Variants in UNC5A observed in about 807,000 individuals in gnomAD.
UNC5A encodes netrin receptor UNC5A.
Under a neutral mutation model 87.4 loss-of-function variants are expected in UNC5A, and 20 were observed. The ratio of observed to expected loss-of-function variants is 0.23; its 90% CI spans 0.16 to 0.33. The LOEUF is 0.33. Among genes scored for constraint, UNC5A ranks in the 10% least tolerant of loss-of-function variants. The probability of loss-of-function intolerance (pLI) is 1.00; values close to 1 mark genes in which losing one functional copy is unlikely to be tolerated. For missense variants in UNC5A, 844 were observed against 1,133.4 expected (o/e 0.74, Z 3.67); for synonymous variants, 438 against 482.3 (o/e 0.91, Z 1.20).
intron 1 of UNC5A, among the ~76,000 whole-genome samples, chr5:176,836,874 G>C (rs1197775700): frequency 6.6e-6 from 1 of 152,212 alleles, no homozygotes; most frequent in African/African-American, 2.4e-5. Context: ...GTTTAGATAA[G>C]TTCATGGATG....
chr5:176,872,550 G>A (rs58614182), intron 6 of UNC5A, among the ~76,000 whole-genome samples: 6 of 2,558 alleles, frequency 2.3e-3, no homozygotes, highest in East Asian at 4.9e-3. Flanking sequence ...GCCCACACTC[G>A]CCCAACACCA....
chr5:176,840,184 C>T (rs1168720780), intron 1 of UNC5A, among the ~76,000 whole-genome samples: 1 of 152,180 alleles, frequency 6.6e-6, no homozygotes, highest in African/African-American at 2.4e-5. Context: ...ACCTTCTTCA[C>T]GCCTTGCTGG....
chr5:176,850,601 C>A (rs1462594049), intron 1 of UNC5A, among the ~76,000 whole-genome samples: 1 of 152,132 alleles, frequency 6.6e-6, no homozygotes, highest in Non-Finnish European at 1.5e-5. Flanking sequence ...CTGATGGGGG[C>A]CACAGAAGCG....
At position 176,870,482 on chromosome 5, in the gene UNC5A, C is replaced by T. The variant is rs1315127233; in HGVS notation, c.834C>T (p.Cys278=). The change falls in exon 6 of 15, where the codon TGC becomes TGT. Residue 278 remains cysteine (C), a synonymous_variant. Coordinates refer to ENST00000329542, the MANE Select transcript of UNC5A (RefSeq NM_133369.3). ...DPAPRNGGEE[C]QGTDLDTRNC... is the part of the protein sequence containing the mutation. ...CACCCCGCAACGGAGGGGAGGAGTG[C>T]CAGGGCACTGACCTGGACACCCGCA... is the stretch of plus-strand genomic sequence containing the variant. The T allele has an allele frequency of 3.7e-6, 6 of 1,610,476 alleles. No homozygotes were observed. The South Asian group carries it at 4.4e-5, about 12-fold the overall frequency.
chr5:176,848,600 C>G lies in UNC5A; in HGVS notation c.71-14024C>G, dbSNP rs534141185. Among the ~76,000 whole-genome samples, 43 of 152,208 alleles carry G rather than the reference C, an allele frequency of 2.8e-4. 1 individual carries two copies. The highest frequency in any genetic ancestry group is 1.2e-3 in the Admixed American group (19 of 15,294). ...GGGTGTGATGGGAGCGGCCAGACAC[C>G]CTATTCCCAGATGGAAGGTGGCAGC... On this transcript the variant is annotated intron_variant, in intron 1 of 14. Coordinates refer to ENST00000329542, the MANE Select transcript of UNC5A (RefSeq NM_133369.3). This position sits in a 1 kb window ranked among gnomAD's most constrained non-coding sequence, Gnocchi z 5.8.
Position 176,875,457 on chromosome 5 carries a change from G to A in UNC5A, c.1378+891G>A, listed in dbSNP as rs113566765. Among the ~76,000 whole-genome samples the A allele has an allele frequency of 7.7e-4, 117 of 151,424 alleles. No homozygotes were observed. Among genetic ancestry groups the A allele is most frequent in the Middle Eastern group, 3.4e-3 (1 of 294 alleles). Reference sequence around the variant, plus strand: ...TTGGGGTCACCTTGACCTGCTGCTCGTCCTCTCTTGCCCCCCGCCAGCTTC... The same window carrying A: ...TTGGGGTCACCTTGACCTGCTGCTCATCCTCTCTTGCCCCCCGCCAGCTTC... On this transcript the variant is annotated intron_variant, in intron 8 of 14. Coordinates refer to ENST00000329542, the MANE Select transcript of UNC5A (RefSeq NM_133369.3). The surrounding 1 kb of genome is among the most constrained non-coding windows in gnomAD (Gnocchi z 5.2).
rs919046847 is a variant in UNC5A, at chr5:176,844,072, GGAC to G, written c.71-18549_71-18547del. Among the ~76,000 whole-genome samples, 23 of 152,342 alleles carry G rather than the reference GGAC, an allele frequency of 1.5e-4. No individual in the cohort carries two copies. Among genetic ancestry groups the G allele is most frequent in the African/African-American group, 5.5e-4 (23 of 41,564 alleles). On this transcript the variant is annotated intron_variant, in intron 1 of 14. Transcript: ENST00000329542. This position sits in a 1 kb window ranked among gnomAD's most constrained non-coding sequence, Gnocchi z 4.2. The stretch of plus-strand genomic sequence containing the variant: ...AGAGACAGGAGGCAGGGGACGGGGA[GGAC>G]GAGGAGGAGGGGCCCTGAGACATGG...
At chr5:176,847,603 AC>A (rs1757442759) in intron 1 of UNC5A, among the ~76,000 whole-genome samples, 1 of 151,798 alleles carries the variant, frequency 6.6e-6, no homozygotes, top group Non-Finnish European at 1.5e-5. Context: ...ACTCCCAATT[AC>A]CCGTTTAGCT....
intron 1 of UNC5A, among the ~76,000 whole-genome samples, chr5:176,845,885 GTAGATGCAAAGC>G (rs1461425563): frequency 1.3e-5 from 2 of 152,238 alleles, no homozygotes; most frequent in South Asian, 2.1e-4. Context: ...AGAGGGAACA[GTAGATGCAAAGC>G]CCCTGAAGCA....
chr5:176,866,098 C>T lies in UNC5A; in HGVS notation c.293-2032C>T, dbSNP rs1007045736. Among the ~76,000 whole-genome samples, 1 of 152,154 alleles carries T rather than the reference C, an allele frequency of 6.6e-6. No homozygotes were observed. Among genetic ancestry groups the T allele is most frequent in the South Asian group, 2.1e-4 (1 of 4,828 alleles). ...GGGCAGCCCAGGTTCACACACACAC[C>T]CGCCCAGGCCCACTGGCCCGGGGTC... On this transcript the variant is annotated intron_variant, in intron 2 of 14. Transcript: ENST00000329542. The surrounding 1 kb of genome is among the most constrained non-coding windows in gnomAD (Gnocchi z 5.0).
At chr5:176,825,226 T>C (rs1756824000) in intron 1 of UNC5A, among the ~76,000 whole-genome samples, 2 of 151,964 alleles carry the variant, frequency 1.3e-5, no homozygotes, top group African/African-American at 2.4e-5. Flanking sequence ...TCAAAGAGGA[T>C]GATTAGGGAA....
intron 2 of UNC5A, among the ~76,000 whole-genome samples, chr5:176,867,220 C>T (rs1757996723): frequency 6.6e-6 from 1 of 152,156 alleles, no homozygotes; most frequent in Non-Finnish European, 1.5e-5. Context: ...TCTTTTCTCA[C>T]TGCTGGGGAT....
intron 6 of UNC5A, 90 bp downstream of exon 6, chr5:176,870,624 C>G (rs1348533536): frequency 7.1e-6 from 10 of 1,406,538 alleles, no homozygotes; most frequent in East Asian, 2.4e-5. Flanking sequence ...GAGCTATTCT[C>G]CTGCCAAAGG....
intron 1 of UNC5A, among the ~76,000 whole-genome samples, chr5:176,821,896 T>C (rs1442017746): frequency 6.6e-6 from 1 of 151,734 alleles, no homozygotes; most frequent in Non-Finnish European, 1.5e-5. Context: ...GGCCTTCCCC[T>C]GCAGGACTAA....
At chr5:176,839,848 A>C (rs1581254364) in intron 1 of UNC5A, among the ~76,000 whole-genome samples, 1 of 112,590 alleles carries the variant, frequency 8.9e-6, no homozygotes, top group African/African-American at 3.6e-5. Context: ...ACAGAGTCTC[A>C]CTCTGTCGCC....
intron 1 of UNC5A, among the ~76,000 whole-genome samples, chr5:176,842,492 G>GATATATATATATAT (rs35268512): frequency 1.4e-3 from 205 of 145,652 alleles, no homozygotes; most frequent in African/African-American, 4.5e-3. Context: ...GAGAAACTGT[G>GATATATATATATAT]ATATATATAT....
At chr5:176,840,868 G>A (rs746511208) in intron 1 of UNC5A, among the ~76,000 whole-genome samples, 30 of 152,206 alleles carry the variant, frequency 2.0e-4, no homozygotes, top group Admixed American at 7.9e-4. Context: ...ACCCTGCCCC[G>A]CCTTTGTTAT....
rs541319137 is a variant in UNC5A, at chr5:176,844,296, G to A, written c.71-18328G>A. On this transcript the variant is annotated intron_variant, in intron 1 of 14. Transcript: ENST00000329542. This position sits in a 1 kb window ranked among gnomAD's most constrained non-coding sequence, Gnocchi z 4.2. ...TGGGCCACCGGGGTTCTCTTGGTGG[G>A]TGTGGCACAGCTGAGGAAGCCCCAC... Among the ~76,000 whole-genome samples, 1 of 152,316 alleles carries A rather than the reference G, an allele frequency of 6.6e-6. No individual in the cohort carries two copies. Among genetic ancestry groups the A allele is most frequent in the South Asian group, 2.1e-4 (1 of 4,812 alleles).
intron 1 of UNC5A, among the ~76,000 whole-genome samples, chr5:176,815,582 C>T (rs1421186523): frequency 2.6e-5 from 4 of 152,256 alleles, no homozygotes; most frequent in African/African-American, 7.2e-5. Context: ...AGAGGGCACT[C>T]AGGGTGAACC....
Sources: gnomAD v4.1 joint callset for allele counts (sites outside exome capture counted in the v4.1 genomes callset) on GRCh38, gnomAD v4.1.1 for gene constraint, Gnocchi (gnomAD v3.1) non-coding constraint, MANE v1.5 for transcripts, NCBI Gene and HGNC (gene_info 2026-07-23, HGNC 2026-07-21) for gene names.